Variants in CTNNA2 observed in about 807,000 individuals in gnomAD.
CTNNA2 encodes catenin alpha 2, also known as catenin alpha-2.
A neutral mutation model predicts 101.0 loss-of-function variants in CTNNA2; 42 were observed. That is an observed-to-expected ratio of 0.42 (90% confidence interval 0.32 to 0.54). The LOEUF is 0.54. CTNNA2 is among the 20% of genes least tolerant of loss of function. The pLI is 0.14. For missense variants in CTNNA2, 871 were observed against 1,223.1 expected, an observed-to-expected ratio of 0.71 and a Z score of 4.29; for synonymous variants, 450 against 456.4, an observed-to-expected ratio of 0.99 and a Z score of 0.18.
chr2:80,045,636 T>C (rs1272315949), intron 7 of CTNNA2, among the ~76,000 whole-genome samples: 1 of 152,212 alleles, frequency 6.6e-6, no homozygotes, highest in Non-Finnish European at 1.5e-5. Flanking sequence ...GAGTCTCCTA[T>C]TATTTTCTTC....
rs762132538 is a variant in CTNNA2 at position 80,303,653 on chromosome 2, T to C, written c.1057-89558T>C. 4 of 1,612,906 alleles carry C rather than the reference T, an allele frequency of 2.5e-6. No homozygotes were observed. The highest frequency in any genetic ancestry group is 1.1e-5 in the South Asian group (1 of 91,022). ...CAGGTTGTGGGGCGCCTCGGTGAGGTTGAGCGCCTCGCAGTACAGCAGCCG... is the reference window on the plus strand; with the variant it reads ...CAGGTTGTGGGGCGCCTCGGTGAGGCTGAGCGCCTCGCAGTACAGCAGCCG... On this transcript the variant is annotated intron_variant, in intron 7 of 18. Coordinates refer to ENST00000402739, the MANE Select transcript of CTNNA2 (RefSeq NM_001282597.3). The surrounding 1 kb of genome is among the most constrained non-coding windows in gnomAD (Gnocchi z 7.7).
At chr2:80,539,169 G>A (rs1423305437) in intron 9 of CTNNA2, among the ~76,000 whole-genome samples, 1 of 152,040 alleles carries the variant, frequency 6.6e-6, no homozygotes, top group Non-Finnish European at 1.5e-5. Context: ...ATTTTTAACT[G>A]TCTTATCAGG....
At chr2:79,682,501 G>GAT (rs1683649032) in intron 2 of CTNNA2, among the ~76,000 whole-genome samples, 1 of 150,538 alleles carries the variant, frequency 6.6e-6, no homozygotes, top group Non-Finnish European at 1.5e-5. Flanking sequence ...CAAGACTTAA[G>GAT]ATATATAGCC....
chr2:80,404,593 A>C (rs1678891227), intron 8 of CTNNA2, among the ~76,000 whole-genome samples: 1 of 152,168 alleles, frequency 6.6e-6, no homozygotes, highest in Non-Finnish European at 1.5e-5. Context: ...GAGAAACAGG[A>C]AAAATAGTAC....
At chr2:79,581,700 G>A (rs1676157498) in intron 1 of CTNNA2, among the ~76,000 whole-genome samples, 1 of 151,994 alleles carries the variant, frequency 6.6e-6, no homozygotes, top group African/African-American at 2.4e-5. Flanking sequence ...AAGGCCTAGA[G>A]AAAAATAGAT....
chr2:79,978,358 C>T lies in CTNNA2; in HGVS notation c.1056+68561C>T, dbSNP rs114728064. On this transcript the variant is annotated intron_variant, in intron 7 of 18. Transcript: ENST00000402739. ...CCTTTGTTTGGGATGTGTGTTCCAT[C>T]AAGAATTTAAGCCTTGTTCATCTGT... is the stretch of plus-strand genomic sequence containing the variant. Among the ~76,000 whole-genome samples, 1,227 of 152,156 alleles carry T rather than the reference C, an allele frequency of 8.1e-3. 15 individuals carry two copies. Among genetic ancestry groups the T allele is most frequent in the African/African-American group, 0.028 (1,153 of 41,512 alleles).
intron 1 of CTNNA2, among the ~76,000 whole-genome samples, chr2:79,529,617 T>C (rs913076056): frequency 6.6e-6 from 1 of 151,864 alleles, no homozygotes; most frequent in Non-Finnish European, 1.5e-5. Flanking sequence ...ATGAGACACA[T>C]TTAATGGGAA....
chr2:79,679,380 T>C (rs573535629), intron 2 of CTNNA2, among the ~76,000 whole-genome samples: 1 of 152,266 alleles, frequency 6.6e-6, no homozygotes, highest in East Asian at 1.9e-4. Flanking sequence ...CATCCCACCT[T>C]GTTCCCCACT....
intron 8 of CTNNA2, among the ~76,000 whole-genome samples, chr2:80,412,003 C>T (rs527498348): frequency 4.6e-5 from 7 of 152,146 alleles, no homozygotes; most frequent in Admixed American, 1.3e-4. Context: ...CTTCCACTAG[C>T]CTCTCCTTTG....
chr2:79,554,663 A>T (rs937924105), intron 1 of CTNNA2, among the ~76,000 whole-genome samples: 2 of 152,152 alleles, frequency 1.3e-5, no homozygotes, highest in South Asian at 2.1e-4. Flanking sequence ...TGAAAAATAG[A>T]TCATTAAGAT....
At chr2:79,292,991 A>G (rs892350371) in intron 2 of CTNNA2, 1 of 152,230 alleles carries the variant, frequency 6.6e-6, no homozygotes, top group African/African-American at 2.4e-5. Context: ...GCAGCCACCC[A>G]TATGTCACCA....
intron 3 of CTNNA2, among the ~76,000 whole-genome samples, chr2:79,785,629 A>G (rs566974689): frequency 5.9e-5 from 9 of 152,130 alleles, no homozygotes; most frequent in Non-Finnish European, 1.2e-4. Context: ...TATATTTTCC[A>G]GAATATTTAA....
At chr2:79,593,758 C>A (rs79668725) in intron 1 of CTNNA2, among the ~76,000 whole-genome samples, 3,641 of 152,100 alleles carry the variant, frequency 0.024, 145 homozygotes, top group African/African-American at 0.081. Context: ...CCTTTACCTT[C>A]TTCTTCCTAT....
chr2:79,698,052 A>G (rs539157520), intron 2 of CTNNA2: 2 of 152,102 alleles, frequency 1.3e-5, no homozygotes, highest in East Asian at 3.9e-4. Flanking sequence ...TGTCCAAGAA[A>G]CCTTTATTTA....
At chr2:79,525,918 G>T (rs1672378908) in intron 1 of CTNNA2, among the ~76,000 whole-genome samples, 1 of 151,894 alleles carries the variant, frequency 6.6e-6, no homozygotes, top group African/African-American at 2.4e-5. Flanking sequence ...GTTCTAGTTT[G>T]CTTGAATAAT....
intron 3 of CTNNA2, among the ~76,000 whole-genome samples, chr2:79,326,455 T>C (rs970667664): frequency 1.3e-5 from 2 of 152,186 alleles, no homozygotes; most frequent in African/African-American, 4.8e-5. Flanking sequence ...CCACTCTTTA[T>C]ACAACCTAGG....
At chr2:80,190,208 C>G (rs574187493) in intron 7 of CTNNA2, among the ~76,000 whole-genome samples, 1 of 151,858 alleles carries the variant, frequency 6.6e-6, no homozygotes, top group Non-Finnish European at 1.5e-5. Context: ...CCAGAGCCAG[C>G]AAATGTGACA....
intron 9 of CTNNA2, among the ~76,000 whole-genome samples, chr2:80,471,221 C>G (rs1434033922): frequency 6.6e-6 from 1 of 152,042 alleles, no homozygotes; most frequent in Non-Finnish European, 1.5e-5. Context: ...AGTAGGGGGC[C>G]CTTTGTAAGA....
intron 7 of CTNNA2, among the ~76,000 whole-genome samples, chr2:80,070,697 A>C (rs1169500854): frequency 2.0e-5 from 3 of 147,368 alleles, no homozygotes; most frequent in Non-Finnish European, 4.5e-5. Context: ...AGCCTCGGCA[A>C]ACAGAGTGAG....
Sources: gnomAD v4.1 joint callset for allele counts (sites outside exome capture counted in the v4.1 genomes callset) on GRCh38, gnomAD v4.1.1 for gene constraint, Gnocchi (gnomAD v3.1) non-coding constraint, MANE v1.5 for transcripts, NCBI Gene and HGNC (gene_info 2026-07-23, HGNC 2026-07-21) for gene names.